PIEZO1: variants seen among roughly 807,000 people sequenced by gnomAD.
The protein encoded by PIEZO1 is piezo-type mechanosensitive ion channel component 1.
PIEZO1 carries 296 observed loss-of-function variants against 297.2 expected under a neutral mutation model. The observed-to-expected ratio is 1.00, with a 90% CI of 0.91 to 1.10. PIEZO1 has a LOEUF of 1.10. PIEZO1 is among the 50% of genes least tolerant of loss of function. The pLI, the probability that PIEZO1 is intolerant of heterozygous loss-of-function variation, is 0.00. For synonymous variants in PIEZO1, 2,427 were observed against 1,507.5 expected, an observed-to-expected ratio of 1.61 and a Z score of -14.13; for missense variants, 5,018 against 3,455.5, an observed-to-expected ratio of 1.45 and a Z score of -11.34.
At chr16:88,765,972 C>T (rs141784431) in intron 1 of PIEZO1, among the ~76,000 whole-genome samples, 402 of 152,254 alleles carry the variant, frequency 2.6e-3, no homozygotes, top group Middle Eastern at 6.8e-3. Context: ...TGCACCCGGC[C>T]GCTATCTCCA....
chr16:88,722,186 TG>T, intron 36 of PIEZO1, 31 bp downstream of exon 36: 1 of 1,535,792 alleles, frequency 6.5e-7, no homozygotes, highest in African/African-American at 1.4e-5. Flanking sequence ...AGGGCCATGG[TG>T]AGGCTGGTGT....
At chr16:88,731,952 T>TGGGG (rs746719928) in intron 21 of PIEZO1, 42 bp from the exon 22 acceptor site, 3 of 307,724 alleles carry the variant, frequency 9.7e-6, no homozygotes, top group Admixed American at 4.7e-5. Context: ...GCACTGAGTC[T>TGGGG]GGGGGGAGGG....
intron 39 of PIEZO1, 56 bp downstream of exon 39, chr16:88,721,110 G>A (rs1912404876): frequency 1.4e-6 from 2 of 1,429,858 alleles, no homozygotes; most frequent in African/African-American, 1.4e-5. Context: ...CCTCCCTGCA[G>A]TAGCCCCACT....
chr16:88,770,278 G>T (rs1907362707), intron 1 of PIEZO1, among the ~76,000 whole-genome samples: 1 of 152,142 alleles, frequency 6.6e-6, no homozygotes, highest in Admixed American at 6.5e-5. Flanking sequence ...CTCTCAGCCT[G>T]ATGCCTGTGC....
rs530231841 is a variant in PIEZO1, at chr16:88,722,905, G to A, written c.4600C>T (p.Arg1534Trp). 78 of 1,549,144 alleles carry A rather than the reference G, an allele frequency of 5.0e-5. No homozygotes were observed. The highest frequency in any genetic ancestry group is 3.4e-4 in the Middle Eastern group (2 of 5,970). ...ACGTCGCTCATGGTGCCGTGGTGCC[G>A]GGTGAACTCCTGCAGCCAGCGTGTC... is the stretch of plus-strand genomic sequence containing the variant. The part of the protein sequence containing the change: ...ELTRWLQEFT[R>W]HHGTMSDVLR... The change falls in exon 34 of 51, where the codon CGG (arginine) becomes TGG (tryptophan). Residue 1534 changes from arginine (R) to tryptophan (W), a missense_variant. Physicochemically the swap from Arg to Trp is moderately radical, Grantham distance 101 (BLOSUM62 -3). Coordinates refer to ENST00000301015, the MANE Select transcript of PIEZO1 (RefSeq NM_001142864.4).
At chr16:88,782,782 G>A (rs1029288122) in intron 1 of PIEZO1, among the ~76,000 whole-genome samples, 1 of 152,188 alleles carries the variant, frequency 6.6e-6, no homozygotes, top group African/African-American at 2.4e-5. Flanking sequence ...CCTGCACATC[G>A]CGGGTCCATC....
At chr16:88,744,744 C>G (rs982470538) in intron 2 of PIEZO1, among the ~76,000 whole-genome samples, 2 of 151,992 alleles carry the variant, frequency 1.3e-5, no homozygotes, top group African/African-American at 4.8e-5. Flanking sequence ...ATGATCCCTC[C>G]GCAGGGTCGA....
intron 35 of PIEZO1, 65 bp from the exon 36 acceptor site, chr16:88,722,462 G>A (rs1276586351): frequency 4.8e-6 from 7 of 1,454,166 alleles, no homozygotes; most frequent in Middle Eastern, 1.8e-4. Flanking sequence ...TACAGGGAGG[G>A]TCAGGGTGGA....
At chr16:88,736,829 C>G (rs542567155) in intron 10 of PIEZO1, 90 bp from the exon 11 acceptor site, 12 of 801,210 alleles carry the variant, frequency 1.5e-5, no homozygotes, top group Admixed American at 1.1e-4. Flanking sequence ...CCTGGGCAAG[C>G]ACACAGCAGG....
At chr16:88,719,378 G>A (rs1013088892) in intron 44 of PIEZO1, 196 bp downstream of exon 44, 31 of 593,738 alleles carry the variant, frequency 5.2e-5, no homozygotes, top group African/African-American at 1.1e-4. Context: ...CCACTTCTGC[G>A]CCCAGCACTC....
chr16:88,782,270 C>T (rs1907970095), intron 1 of PIEZO1, among the ~76,000 whole-genome samples: 1 of 152,236 alleles, frequency 6.6e-6, no homozygotes, highest in East Asian at 1.9e-4. Flanking sequence ...ACCACCATGC[C>T]CAGCTAATTT....
chr16:88,721,495 G>T, intron 38 of PIEZO1, 43 bp downstream of exon 38: 1 of 1,539,152 alleles, frequency 6.5e-7, no homozygotes, highest in Non-Finnish European at 8.8e-7. Flanking sequence ...GGTGCCCAGA[G>T]GGCCTGCCCA....
At chr16:88,757,319 C>CGG (rs1221139366) in intron 1 of PIEZO1, among the ~76,000 whole-genome samples, 308 of 9,958 alleles carry the variant, frequency 0.031, 6 homozygotes, top group African/African-American at 0.073. Context: ...GCGTTGCTGG[C>CGG]GGGGGGGTGG....
intron 5 of PIEZO1, 45 bp from the exon 6 acceptor site, chr16:88,738,781 A>C (rs553602229): frequency 1.3e-6 from 2 of 1,482,400 alleles, no homozygotes; most frequent in African/African-American, 2.8e-5. Flanking sequence ...TATCGCACTG[A>C]CGCCACCTCT....
Position 88,734,709 on chromosome 16 carries a change from G to C in PIEZO1, c.1938C>G (p.Thr646=). ...YTMLVLIAVY[T]FQFQDFPAYW... is the part of the protein sequence containing the mutation. The stretch of plus-strand genomic sequence containing the variant: ...AGGCAGGGAAGTCCTGGAACTGGAA[G>C]GTGTAGACGGCGATGAGGACCAGCA... Residue 646 remains threonine (T), a synonymous_variant, in exon 15 of 51, where the codon ACC becomes ACG. Coordinates refer to ENST00000301015, the MANE Select transcript of PIEZO1 (RefSeq NM_001142864.4). 6.5e-7 allele frequency: 1 copy of C among 1,550,380 alleles called. No individual in the cohort carries two copies. Among genetic ancestry groups the C allele is most frequent in the Non-Finnish European group, 8.7e-7 (1 of 1,146,944 alleles).
intron 2 of PIEZO1, 96 bp downstream of exon 2, chr16:88,749,288 G>T: frequency 1.4e-6 from 1 of 725,560 alleles, no homozygotes; most frequent in Non-Finnish European, 2.1e-6. Context: ...TCCACCCCGG[G>T]CTGTTAAAGG....
At chr16:88,764,596 C>T (rs1907083111) in intron 1 of PIEZO1, among the ~76,000 whole-genome samples, 1 of 151,738 alleles carries the variant, frequency 6.6e-6, no homozygotes, top group Non-Finnish European at 1.5e-5. Context: ...ACTAAAAATA[C>T]AAAAATTAGC....
intron 1 of PIEZO1, among the ~76,000 whole-genome samples, chr16:88,760,139 C>T (rs12932738): frequency 2.9e-4 from 44 of 152,264 alleles, no homozygotes; most frequent in East Asian, 1.6e-3. Context: ...ACGCCCACCT[C>T]GGACCTCGCC....
intron 2 of PIEZO1, among the ~76,000 whole-genome samples, chr16:88,744,656 C>T (rs1374524069): frequency 1.3e-5 from 2 of 151,332 alleles, no homozygotes; most frequent in African/African-American, 4.9e-5. Context: ...CCTCCCTCCC[C>T]TTTCCCTGCC....
Sources: gnomAD v4.1 joint callset for allele counts (sites outside exome capture counted in the v4.1 genomes callset) on GRCh38, gnomAD v4.1.1 for gene constraint, MANE v1.5 for transcripts, NCBI Gene and HGNC (gene_info 2026-07-23, HGNC 2026-07-21) for gene names.